The following UBE2F variants were observed in gnomAD, a reference collection of about 807,000 sequenced individuals.
UBE2F encodes the protein ubiquitin conjugating enzyme E2 F (putative).
In UBE2F, 5 loss-of-function variants were observed where a neutral mutation model predicts 29.6. The ratio of observed to expected loss-of-function variants is 0.17; its 90% CI spans 0.09 to 0.36. The LOEUF (loss-of-function observed/expected upper bound fraction) is 0.36. Ranked by LOEUF, UBE2F falls within the 10% of genes least tolerant of loss-of-function variation. UBE2F has a pLI of 1.00. For missense variants in UBE2F, 141 were observed against 228.5 expected, an observed-to-expected ratio of 0.62 and a Z score of 2.47; for synonymous variants, 66 against 81.8, an observed-to-expected ratio of 0.81 and a Z score of 1.04.
At chr2:237,999,886 G>A (rs1403668508) in intron 4 of UBE2F, among the ~76,000 whole-genome samples, 7 of 148,278 alleles carry the variant, frequency 4.7e-5, no homozygotes, top group South Asian at 4.2e-4. Flanking sequence ...GTGCAGTGGC[G>A]CGATCTCAGC....
intron 2 of UBE2F, chr2:237,973,740 C>A: frequency 4.8e-6 from 6 of 1,262,190 alleles, no homozygotes; most frequent in Non-Finnish European, 6.2e-6. Context: ...CTTCTGCTAT[C>A]CATGTTGGTG....
intron 2 of UBE2F, among the ~76,000 whole-genome samples, chr2:237,979,321 CCT>C (rs2063339435): frequency 6.6e-6 from 1 of 152,164 alleles, no homozygotes; most frequent in South Asian, 2.1e-4. Context: ...GATGCAGGGG[CCT>C]CTCTCTGTGA....
intron 2 of UBE2F, among the ~76,000 whole-genome samples, chr2:237,986,467 T>A (rs1035350180): frequency 6.6e-6 from 1 of 152,208 alleles, no homozygotes; most frequent in Admixed American, 6.5e-5. Context: ...AGGCTGCCTT[T>A]TTATTTTGCT....
At position 237,973,704 on chromosome 2, in the gene UBE2F, CAT is replaced by C. The variant is rs558253079; in HGVS notation, c.118+483_118+484del. ...TTAGTTCTCTTCACGGAATTAATAA[CAT>C]ATAGTGTTCTAGAGTTTTCGTGACT... On this transcript the variant is annotated intron_variant, in intron 2 of 9. Transcript: ENST00000272930. 1.5e-4 allele frequency: 197 copies of C among 1,299,298 alleles called. No homozygotes were observed. The African/African-American group carries it at 2.6e-3, about 17-fold the overall frequency. The allele number at this position is 1,299,298 out of a possible 1,614,324, so 80.5% of individuals were successfully genotyped here. A position where few individuals can be genotyped will look rare whatever the true frequency, so the allele number is the denominator to read the frequency against.
intron 7 of UBE2F, among the ~76,000 whole-genome samples, chr2:238,031,289 G>GT (rs1161075061): frequency 6.6e-6 from 1 of 152,206 alleles, no homozygotes; most frequent in African/African-American, 2.4e-5. Flanking sequence ...CCCTCTCCCT[G>GT]GCAGACTCCT....
At chr2:238,022,163 T>G (rs6744427) in intron 5 of UBE2F, among the ~76,000 whole-genome samples, 122,042 of 148,878 alleles carry the variant, frequency 0.82, 50,203 homozygotes, top group East Asian at 0.97. Flanking sequence ...TCTTTTTCTT[T>G]TCTTTTCTTT....
At chr2:238,013,408 C>G (rs2064085428) in intron 4 of UBE2F, among the ~76,000 whole-genome samples, 1 of 152,188 alleles carries the variant, frequency 6.6e-6, no homozygotes, top group South Asian at 2.1e-4. Flanking sequence ...TTACCCTTAT[C>G]AGTGCGTCAC....
At chr2:237,973,906 G>T (rs1457736983) in intron 2 of UBE2F, among the ~76,000 whole-genome samples, 1 of 151,936 alleles carries the variant, frequency 6.6e-6, no homozygotes, top group African/African-American at 2.4e-5. Flanking sequence ...GGTTTCTTGG[G>T]GGTCATAAGA....
At chr2:238,017,477 G>A (rs1038261851) in intron 5 of UBE2F, among the ~76,000 whole-genome samples, 7 of 152,136 alleles carry the variant, frequency 4.6e-5, no homozygotes, top group Non-Finnish European at 1.5e-5. Context: ...GGGAAGAATA[G>A]AGGAAAAAAT....
chr2:238,004,049 G>A (rs548868867), intron 4 of UBE2F, among the ~76,000 whole-genome samples: 40 of 152,260 alleles, frequency 2.6e-4, no homozygotes, highest in Middle Eastern at 6.8e-3. Context: ...TTAGTGTAAT[G>A]CTTTTGACAT....
chr2:238,014,854 T>C (rs1357973947), intron 4 of UBE2F, among the ~76,000 whole-genome samples: 2 of 152,254 alleles, frequency 1.3e-5, no homozygotes, highest in Non-Finnish European at 2.9e-5. Context: ...GCCACTTATT[T>C]GAAAAGTTCT....
intron 4 of UBE2F, among the ~76,000 whole-genome samples, chr2:238,000,832 T>A (rs1481722794): frequency 3.9e-5 from 6 of 152,196 alleles, no homozygotes; most frequent in Non-Finnish European, 1.5e-5. Context: ...GTCATTCTTT[T>A]CAATTTTAGC....
At chr2:238,027,451 A>G (rs189831279) in intron 6 of UBE2F, among the ~76,000 whole-genome samples, 68 of 152,302 alleles carry the variant, frequency 4.5e-4, no homozygotes, top group Non-Finnish European at 9.3e-4. Context: ...GTGGCTTACC[A>G]CTCACCAGAT....
At position 237,982,864 on chromosome 2, in the gene UBE2F, C is replaced by G. The variant is rs1272127417; in HGVS notation, c.119-5099C>G. Among the ~76,000 whole-genome samples, 1 of 152,108 alleles carries G rather than the reference C, an allele frequency of 6.6e-6. No individual in the cohort carries two copies. The highest frequency in any genetic ancestry group is 1.9e-4 in the East Asian group (1 of 5,186). On this transcript the variant is annotated intron_variant, in intron 2 of 9. Coordinates refer to ENST00000272930, the MANE Select transcript of UBE2F (RefSeq NM_080678.3). The surrounding 1 kb of genome is among the most constrained non-coding windows in gnomAD (Gnocchi z 4.1). ...TTGTCTTTCTCCATCCTCTGCCTTTCCCATACATTGCTCTAAGGAAGGGCA... is the reference window on the plus strand; with the variant it reads ...TTGTCTTTCTCCATCCTCTGCCTTTGCCATACATTGCTCTAAGGAAGGGCA...
intron 4 of UBE2F, among the ~76,000 whole-genome samples, chr2:238,010,515 G>A (rs2064000297): frequency 6.6e-6 from 1 of 152,180 alleles, no homozygotes; most frequent in Non-Finnish European, 1.5e-5. Context: ...AAGACTCTTA[G>A]GTGTTAAACA....
At chr2:237,992,891 C>CT (rs2063618738) in intron 3 of UBE2F, among the ~76,000 whole-genome samples, 1 of 151,800 alleles carries the variant, frequency 6.6e-6, no homozygotes, top group East Asian at 1.9e-4. Flanking sequence ...TGTAAGAAAA[C>CT]TTTAAACAAA....
intron 4 of UBE2F, among the ~76,000 whole-genome samples, chr2:238,007,146 G>T (rs1392965661): frequency 1.3e-5 from 2 of 152,084 alleles, no homozygotes; most frequent in Non-Finnish European, 2.9e-5. Flanking sequence ...TTTCGAGACA[G>T]AGTCTTGCTC....
intron 2 of UBE2F, among the ~76,000 whole-genome samples, chr2:237,979,942 A>G (rs1051607288): frequency 6.6e-5 from 10 of 152,142 alleles, no homozygotes; most frequent in African/African-American, 2.2e-4. Flanking sequence ...TGCACTCTGT[A>G]GTGTGAGGCC....
chr2:238,018,675 C>T (rs1021555428), intron 5 of UBE2F, among the ~76,000 whole-genome samples: 1 of 152,192 alleles, frequency 6.6e-6, no homozygotes, highest in Admixed American at 6.5e-5. Context: ...AAGCAATTCT[C>T]CTGCCCTAGC....
Sources: allele counts gnomAD v4.1 joint callset (sites outside exome capture counted in the v4.1 genomes callset), GRCh38; gene constraint gnomAD v4.1.1; non-coding constraint Gnocchi (gnomAD v3.1); transcripts MANE v1.5; gene names NCBI Gene and HGNC (gene_info 2026-07-23, HGNC 2026-07-21).